PCDHA10: variants seen among roughly 807,000 people sequenced by gnomAD.
PCDHA10 encodes the protein protocadherin alpha-10.
In PCDHA10, 45 loss-of-function variants were observed where a neutral mutation model predicts 61.2. The ratio of observed to expected loss-of-function variants is 0.74; its 90% CI spans 0.58 to 0.94. PCDHA10 has a LOEUF of 0.94. PCDHA10 is among the 40% of genes least tolerant of loss of function. PCDHA10 has a pLI of 0.00. For synonymous variants in PCDHA10, 602 were observed against 548.8 expected (o/e 1.10, Z -1.35); for missense variants, 1,278 against 1,236.2 (o/e 1.03, Z -0.51).
Position 140,857,130 on chromosome 5 carries a change from A to T in PCDHA10, c.1082A>T (p.Asp361Val), listed in dbSNP as rs1554149562. 6.3e-7 allele frequency: 1 copy of T among 1,598,310 alleles called. No individual in the cohort carries two copies. The highest frequency in any genetic ancestry group is 8.6e-7 in the Non-Finnish European group (1 of 1,167,812). Residue 361 changes from aspartate to valine, a missense_variant, in exon 1 of 4, where the codon GAT (aspartate) becomes GTT (valine). By Grantham distance (152) the Asp-to-Val change is radical (BLOSUM62 -3). Coordinates refer to ENST00000307360, the MANE Select transcript of PCDHA10 (RefSeq NM_018901.4). Reference sequence around the variant, plus strand: ...TCTCTGTCTCTCCCAGTGAAAGAAGATGCTCAAGTGGGCACCGTCATTGCC... The same window carrying T: ...TCTCTGTCTCTCCCAGTGAAAGAAGTTGCTCAAGTGGGCACCGTCATTGCC... The part of the protein sequence containing the change: ...VTSLSLPVKE[D>V]AQVGTVIALI...
chr5:140,911,480 G>A (rs2075504387), intron 1 of PCDHA10, among the ~76,000 whole-genome samples: 1 of 152,142 alleles, frequency 6.6e-6, no homozygotes, highest in African/African-American at 2.4e-5. Flanking sequence ...CTCTCACTCA[G>A]GGCAATCTTA....
At chr5:140,939,104 T>G (rs2092317491) in intron 1 of PCDHA10, among the ~76,000 whole-genome samples, 1 of 152,160 alleles carries the variant, frequency 6.6e-6, no homozygotes, top group South Asian at 2.1e-4. Context: ...CAATAGAAAT[T>G]TATTTTTCAC....
At chr5:140,980,704 G>T (rs2153822525) in intron 2 of PCDHA10, among the ~76,000 whole-genome samples, 1 of 151,890 alleles carries the variant, frequency 6.6e-6, no homozygotes, top group East Asian at 1.9e-4. Context: ...AGCCAAATGT[G>T]CTCCTATTCG....
intron 1 of PCDHA10, among the ~76,000 whole-genome samples, chr5:140,950,272 C>G (rs928839890): frequency 2.0e-5 from 3 of 151,950 alleles, no homozygotes; most frequent in Non-Finnish European, 4.4e-5. Flanking sequence ...TCCATAATGT[C>G]TTTTTGCTTC....
intron 3 of PCDHA10, among the ~76,000 whole-genome samples, chr5:141,002,246 C>T (rs1217451636): frequency 6.6e-6 from 1 of 152,190 alleles, no homozygotes; most frequent in Non-Finnish European, 1.5e-5. Flanking sequence ...CTTTATTAAC[C>T]TCAGCACTGA....
rs558780713 is a variant in PCDHA10, at chr5:140,870,170, T to C, written c.2388+11734T>C. ...GAAGTCGCCGTGACTTCCTTGTCCCTCCCAGTACGAGAGGACGCTCAGCCC... is the reference window on the plus strand; with the variant it reads ...GAAGTCGCCGTGACTTCCTTGTCCCCCCCAGTACGAGAGGACGCTCAGCCC... On this transcript the variant is annotated intron_variant, in intron 1 of 3. Coordinates refer to ENST00000307360, the MANE Select transcript of PCDHA10 (RefSeq NM_018901.4). 8 of 1,614,100 alleles carry C rather than the reference T, an allele frequency of 5.0e-6. No homozygotes were observed. In the Admixed American group the frequency reaches 1.0e-4, roughly 20 times the overall value.
intron 1 of PCDHA10, among the ~76,000 whole-genome samples, chr5:140,971,749 CAT>C (rs143190557): frequency 0.047 from 7,111 of 152,104 alleles, 190 homozygotes; most frequent in Non-Finnish European, 0.062. Context: ...ACATATATCT[CAT>C]ATTACTGAAT....
At chr5:140,867,727 A>G (rs1554161460) in intron 1 of PCDHA10, 1 of 152,094 alleles carries the variant, frequency 6.6e-6, no homozygotes. Context: ...GAAAAGACAA[A>G]GAAAATTCAA....
At chr5:140,876,672 C>T in intron 1 of PCDHA10, 1 of 1,614,208 alleles carries the variant, frequency 6.2e-7, no homozygotes, top group Non-Finnish European at 8.5e-7. Context: ...TGGTGTCCAC[C>T]TACAAGAATT....
chr5:140,933,314 G>C (rs925777839), intron 1 of PCDHA10, among the ~76,000 whole-genome samples: 1 of 151,914 alleles, frequency 6.6e-6, no homozygotes, highest in African/African-American at 2.4e-5. Context: ...ATGCAATCTC[G>C]TATTCTCCTG....
At chr5:140,900,557 G>A (rs1006880033) in intron 1 of PCDHA10, among the ~76,000 whole-genome samples, 1 of 152,160 alleles carries the variant, frequency 6.6e-6, no homozygotes, top group African/African-American at 2.4e-5. Context: ...GATTACAGGC[G>A]TGAGCCACGG....
Position 140,858,511 on chromosome 5 carries a change from G to A in PCDHA10, c.2388+75G>A. ...TCTCTTACCGCATTTTCTCAAATAT[G>A]TATCAGAATATTTCATTTTTGTCTA... On this transcript the variant is annotated intron_variant, in intron 1 of 3. Transcript: ENST00000307360. 5 of 1,433,712 alleles carry A rather than the reference G, an allele frequency of 3.5e-6. 1 individual carries two copies. The highest frequency in any genetic ancestry group is 4.8e-6 in the Non-Finnish European group (5 of 1,040,150). 88.8% of individuals were successfully genotyped at this position (1,433,712 alleles called of 1,614,324 possible).
intron 1 of PCDHA10, among the ~76,000 whole-genome samples, chr5:140,955,262 C>CT (rs1165777806): frequency 1.3e-5 from 2 of 152,044 alleles, no homozygotes; most frequent in African/African-American, 2.4e-5. Flanking sequence ...TATAAAGGCT[C>CT]TTTTTTGGTT....
At chr5:140,927,741 C>T (rs782292892) in intron 1 of PCDHA10, 1 of 1,614,244 alleles carries the variant, frequency 6.2e-7, no homozygotes, top group East Asian at 2.2e-5. Flanking sequence ...TGCGACACCG[C>T]TTTCACGTGC....
chr5:140,965,305 A>G (rs2095888625), intron 1 of PCDHA10, among the ~76,000 whole-genome samples: 2 of 152,136 alleles, frequency 1.3e-5, no homozygotes, highest in African/African-American at 4.8e-5. Context: ...TGATCCTTCT[A>G]CCTTCTCTTT....
Position 140,974,189 on chromosome 5 carries a change from G to T in PCDHA10, c.2389-4760G>T, listed in dbSNP as rs146863475. On this transcript the variant is annotated intron_variant, in intron 1 of 3. Transcript: ENST00000307360. ...AGAATTTTAACTTGACAAATGCAAA[G>T]GAATATCCAACATTGCAAAGGTAAA... Among the ~76,000 whole-genome samples the T allele has an allele frequency of 7.6e-3, 1,163 of 152,258 alleles. 4 individuals carry two copies. The highest frequency in any genetic ancestry group is 0.014 in the Middle Eastern group (4 of 294).
chr5:140,976,545 T>C (rs781810490), intron 1 of PCDHA10, among the ~76,000 whole-genome samples: 1 of 152,078 alleles, frequency 6.6e-6, no homozygotes, highest in Non-Finnish European at 1.5e-5. Flanking sequence ...AGTAAGACCC[T>C]ATCTCATAAA....
rs145391750 is a variant in PCDHA10, at chr5:140,989,649, A to G, written c.2536+7086A>G. On this transcript the variant is annotated intron_variant, in intron 3 of 3. Coordinates refer to ENST00000307360, the MANE Select transcript of PCDHA10 (RefSeq NM_018901.4). ...GTGACAGCAAGGGTCTTTCATGGCA[A>G]TATTTTAAAAGAAACTCTGCCCAGA... 1.8e-3 allele frequency among the ~76,000 whole-genome samples: 268 copies of G among 152,316 alleles called. 1 individual carries two copies. The highest frequency in any genetic ancestry group is 6.3e-3 in the African/African-American group (263 of 41,564).
intron 1 of PCDHA10, chr5:140,860,192 C>CATATATAT (rs143984774): frequency 6.9e-4 from 101 of 146,860 alleles, no homozygotes; most frequent in African/African-American, 2.5e-3. Context: ...GCTCTCCTTA[C>CATATATAT]ATATATATCT....
Sources: gnomAD v4.1 joint callset for allele counts (sites outside exome capture counted in the v4.1 genomes callset) on GRCh38, gnomAD v4.1.1 for gene constraint, MANE v1.5 for transcripts, NCBI Gene and HGNC (gene_info 2026-07-23, HGNC 2026-07-21) for gene names.